Variants in TPX2 observed in about 807,000 individuals in gnomAD.
The protein encoded by TPX2 is TPX2 microtubule nucleation factor, also known as targeting protein for Xklp2.
TPX2 carries 21 observed loss-of-function variants against 93.6 expected under a neutral mutation model. The ratio of observed to expected loss-of-function variants is 0.22; its 90% CI spans 0.16 to 0.32. The LOEUF (loss-of-function observed/expected upper bound fraction) is 0.32. Among genes scored for constraint, TPX2 ranks in the 10% least tolerant of loss-of-function variants. The pLI, the probability that TPX2 is intolerant of heterozygous loss-of-function variation, is 1.00. For synonymous variants in TPX2, 281 were observed against 298.3 expected (o/e 0.94, Z 0.60); for missense variants, 776 against 871.1 (o/e 0.89, Z 1.37).
At chr20:31,743,345 C>T (rs911024315) in intron 2 of TPX2, among the ~76,000 whole-genome samples, 2 of 151,956 alleles carry the variant, frequency 1.3e-5, no homozygotes. Flanking sequence ...AATGTAAATG[C>T]TATGTAAATA....
intron 12 of TPX2, among the ~76,000 whole-genome samples, chr20:31,792,327 C>T (rs976024862): frequency 1.3e-5 from 2 of 152,074 alleles, no homozygotes; most frequent in Non-Finnish European, 2.9e-5. Flanking sequence ...CCATTGCACT[C>T]CAGCCTGGGC....
chr20:31,792,727 C>G lies in TPX2; in HGVS notation c.1414-8C>G, dbSNP rs775980270. 1.9e-6 allele frequency: 3 copies of G among 1,612,732 alleles called. No homozygotes were observed. In the Middle Eastern group the frequency reaches 5.0e-4, roughly 266 times the overall value. On this transcript the variant is annotated splice_polypyrimidine_tract_variant and splice_region_variant and intron_variant, in intron 12 of 17. Transcript: ENST00000300403. ...GTGATATCTAATTGAGTTGCTTACT[C>G]CTTTCAGGGTGTTCCTGAAAAGAAG...
chr20:31,776,152 C>T (rs1036201667), intron 8 of TPX2, among the ~76,000 whole-genome samples, 164 bp downstream of exon 8: 4 of 144,202 alleles, frequency 2.8e-5, no homozygotes, highest in Non-Finnish European at 4.5e-5. Context: ...GCAATCTCGG[C>T]TCACTGCAAG....
intron 7 of TPX2, among the ~76,000 whole-genome samples, chr20:31,774,789 G>A (rs1392626583): frequency 6.6e-6 from 1 of 152,034 alleles, no homozygotes; most frequent in Non-Finnish European, 1.5e-5. Context: ...TTTTGTTTTT[G>A]AGACAGGGCC....
chr20:31,761,433 C>T (rs6141616), intron 4 of TPX2, among the ~76,000 whole-genome samples: 3 of 152,094 alleles, frequency 2.0e-5, no homozygotes, highest in Non-Finnish European at 4.4e-5. Context: ...AACTCCTGAC[C>T]TTGTGATCCG....
chr20:31,774,707 CT>C (rs1424602533), intron 7 of TPX2, among the ~76,000 whole-genome samples: 1 of 152,176 alleles, frequency 6.6e-6, no homozygotes, highest in Non-Finnish European at 1.5e-5. Context: ...TTTCTTCCTT[CT>C]GTTACATGTG....
In TPX2 at chr20:31,784,535, C is replaced by T. The variant is rs117613078; in HGVS notation, c.1413+614C>T. Reference sequence around the variant, plus strand: ...TCCTAATACCTCATTATATGCCTCTCCATTACATGATAGAATTTTGACTTG... The same window carrying T: ...TCCTAATACCTCATTATATGCCTCTTCATTACATGATAGAATTTTGACTTG... On this transcript the variant is annotated intron_variant, in intron 12 of 17. Coordinates refer to ENST00000300403, the MANE Select transcript of TPX2 (RefSeq NM_012112.5). 6.2e-3 allele frequency among the ~76,000 whole-genome samples: 950 copies of T among 152,282 alleles called. 4 individuals are homozygous for T. Among genetic ancestry groups the T allele is most frequent in the Middle Eastern group, 0.048 (14 of 294 alleles).
chr20:31,789,746 TTC>T (rs1194609105), intron 12 of TPX2, among the ~76,000 whole-genome samples: 1 of 152,124 alleles, frequency 6.6e-6, no homozygotes, highest in Non-Finnish European at 1.5e-5. Flanking sequence ...AAAGATGATT[TTC>T]ATAAATCATC....
intron 2 of TPX2, among the ~76,000 whole-genome samples, chr20:31,747,327 CCTGGCTGAT>C (rs1369962321): frequency 6.6e-6 from 1 of 152,132 alleles, no homozygotes; most frequent in Admixed American, 6.6e-5. Context: ...ACCATGTTGG[CCTGGCTGAT>C]CTCGAACTCC....
chr20:31,792,334 G>A (rs2062107215), intron 12 of TPX2, among the ~76,000 whole-genome samples: 1 of 152,104 alleles, frequency 6.6e-6, no homozygotes, highest in Non-Finnish European at 1.5e-5. Context: ...ACTCCAGCCT[G>A]GGCAACAGGG....
At chr20:31,767,745 G>C (rs960437727) in intron 5 of TPX2, among the ~76,000 whole-genome samples, 2 of 151,994 alleles carry the variant, frequency 1.3e-5, no homozygotes, top group African/African-American at 4.8e-5. Context: ...GTACAGACAA[G>C]GTTTTACGAT....
rs1441403847 is a variant in TPX2, at chr20:31,777,500, G to T, written c.744G>T (p.Lys248Asn). The part of the protein sequence containing the change: ...LALAGIGQPV[K>N]KSVSQVTKSV... ...TTCATCTCTCAGGGCAACCTGTGAA[G>T]AAATCAGTGAGCCAGGTCACCAAAT... is the stretch of plus-strand genomic sequence containing the variant. Residue 248 changes from lysine to asparagine, a missense_variant, in exon 9 of 18, where the codon AAG (lysine) becomes AAT (asparagine). Lys to Asn is a moderately conservative substitution (Grantham distance 94). This residue lies in a region of TPX2 where 279 missense variants were observed against 261.6 expected (regional missense o/e 1.07). Transcript: ENST00000300403. 1 of 1,613,954 alleles carries T rather than the reference G, an allele frequency of 6.2e-7. No individual in the cohort carries two copies. The highest frequency in any genetic ancestry group is 1.3e-5 in the African/African-American group (1 of 75,062).
intron 12 of TPX2, 66 bp downstream of exon 12, chr20:31,783,987 A>G: frequency 6.4e-7 from 1 of 1,551,086 alleles, no homozygotes. Context: ...ACCCATTCAC[A>G]CAAAAGTTTG....
intron 5 of TPX2, among the ~76,000 whole-genome samples, chr20:31,769,642 A>G (rs943090023): frequency 3.3e-5 from 5 of 152,124 alleles, no homozygotes; most frequent in African/African-American, 1.2e-4. Flanking sequence ...GATCACTCTT[A>G]AAATCAAGGT....
chr20:31,794,998 T>A (rs969712411), intron 15 of TPX2, among the ~76,000 whole-genome samples: 1 of 151,920 alleles, frequency 6.6e-6, no homozygotes, highest in Non-Finnish European at 1.5e-5. Flanking sequence ...TTTTTTTATA[T>A]TTTTAGTAGG....
At chr20:31,744,743 A>T (rs887048472) in intron 2 of TPX2, among the ~76,000 whole-genome samples, 1 of 152,016 alleles carries the variant, frequency 6.6e-6, no homozygotes, top group Admixed American at 6.6e-5. Flanking sequence ...GTATTCCATT[A>T]TTTGGTTCTT....
intron 4 of TPX2, among the ~76,000 whole-genome samples, chr20:31,765,454 TTTG>T (rs928620717): frequency 1.6e-4 from 24 of 152,028 alleles, no homozygotes; most frequent in African/African-American, 5.1e-4. Flanking sequence ...TCATATTGGT[TTTG>T]TTGTTGTTGT....
chr20:31,757,611 A>C, intron 3 of TPX2, 29 bp downstream of exon 3: 1 of 1,582,370 alleles, frequency 6.3e-7, no homozygotes, highest in Non-Finnish European at 8.7e-7. Flanking sequence ...TGGCTATTTT[A>C]AGGATTAGTG....
At position 31,783,838 on chromosome 20, in the gene TPX2, C is replaced by T; in HGVS notation, c.1330C>T (p.Arg444Ter). ...GGAAATTGAGAAAAGAATCCAGGAG[C>T]GAGAATCAAAGAAGAAAACAGAGGA... The part of the protein sequence containing the change: ...DLEIEKRIQE[R>*]ESKKKTEDEH... The change falls in exon 12 of 18, where the codon CGA (arginine) becomes TGA (stop). Residue 444 changes from arginine (R) to a stop codon, truncating the protein, a stop_gained. Transcript: ENST00000300403. LOFTEE classifies it high-confidence loss of function. 6.2e-7 allele frequency: 1 copy of T among 1,609,880 alleles called. No homozygotes were observed. Among genetic ancestry groups the T allele is most frequent in the Non-Finnish European group, 8.5e-7 (1 of 1,179,108 alleles).
Sources: allele counts gnomAD v4.1 joint callset (sites outside exome capture counted in the v4.1 genomes callset), GRCh38; gene constraint gnomAD v4.1.1; regional missense constraint gnomAD v4.1.1; transcripts MANE v1.5; gene names NCBI Gene and HGNC (gene_info 2026-07-23, HGNC 2026-07-21).